The following LRP1B variants were observed in gnomAD, a reference collection of about 807,000 sequenced individuals.
LRP1B encodes the protein low-density lipoprotein receptor-related protein 1B.
Under a neutral mutation model 556.6 loss-of-function variants are expected in LRP1B, and 217 were observed. That is an observed-to-expected ratio of 0.39 (90% confidence interval 0.35 to 0.44). The LOEUF is 0.44. LRP1B is among the 20% of genes least tolerant of loss of function. The pLI is 1.00. For synonymous variants in LRP1B, 2,047 were observed against 1,865.8 expected, an observed-to-expected ratio of 1.10 and a Z score of -2.50; for missense variants, 5,053 against 5,620.8, an observed-to-expected ratio of 0.90 and a Z score of 3.23.
rs576998593 is a variant in LRP1B, at chr2:141,392,750, G to A, written c.343+87646C>T. Among the ~76,000 whole-genome samples the A allele has an allele frequency of 1.1e-4, 16 of 152,266 alleles. 1 individual carries two copies. The South Asian group carries it at 3.3e-3, about 32-fold the overall frequency. On this transcript the variant is annotated intron_variant, in intron 3 of 90. Coordinates refer to ENST00000389484, the MANE Select transcript of LRP1B (RefSeq NM_018557.3). ...CTGATAACAAATTCTCCCTCTCAGA[G>A]GGACTTAGTGAGATCAGACTACAAT... is the stretch of plus-strand genomic sequence containing the variant.
At chr2:140,639,926 G>C (rs903054318) in intron 41 of LRP1B, among the ~76,000 whole-genome samples, 2 of 152,132 alleles carry the variant, frequency 1.3e-5, no homozygotes, top group Non-Finnish European at 2.9e-5. Context: ...TGTACTTGCT[G>C]TTCTTCCTGG....
intron 68 of LRP1B, among the ~76,000 whole-genome samples, chr2:140,374,604 T>C (rs558493671): frequency 3.9e-5 from 6 of 152,178 alleles, no homozygotes; most frequent in Admixed American, 2.0e-4. Flanking sequence ...GTATTCTCCA[T>C]ACTATTAGTG....
intron 32 of LRP1B, among the ~76,000 whole-genome samples, chr2:140,792,888 G>A (rs980997149): frequency 6.6e-6 from 1 of 151,874 alleles, no homozygotes; most frequent in African/African-American, 2.4e-5. Flanking sequence ...TTGTATCCAA[G>A]CTCTGAAAAT....
At chr2:140,381,244 C>G (rs935740407) in intron 67 of LRP1B, among the ~76,000 whole-genome samples, 44 of 151,936 alleles carry the variant, frequency 2.9e-4, no homozygotes, top group African/African-American at 1.0e-3. Context: ...AATAAAAGAC[C>G]AATTTTCAGA....
At chr2:142,003,330 G>T (rs1437676590) in intron 1 of LRP1B, among the ~76,000 whole-genome samples, 1 of 152,154 alleles carries the variant, frequency 6.6e-6, no homozygotes, top group Non-Finnish European at 1.5e-5. Flanking sequence ...TGGGCCAATG[G>T]GTAATTTTGT....
intron 1 of LRP1B, among the ~76,000 whole-genome samples, chr2:141,924,267 G>C (rs6721127): frequency 0.14 from 20,684 of 151,836 alleles, 1,567 homozygotes; most frequent in African/African-American, 0.18. Flanking sequence ...GAGGAGTACA[G>C]CTGGGAGTGG....
intron 3 of LRP1B, among the ~76,000 whole-genome samples, chr2:141,333,944 C>T (rs962519353): frequency 5.9e-5 from 9 of 152,078 alleles, no homozygotes; most frequent in Non-Finnish European, 1.2e-4. Context: ...TTCCTGATCT[C>T]CTTTTTAAAA....
Position 140,789,000 on chromosome 2 carries a change from C to A in LRP1B, c.5360-12762G>T, listed in dbSNP as rs115470967. ...TCAGAAGAAACCAAACCTACTAACA[C>A]CTTGATTTCGGATTTCTAAGCCTCC... is the stretch of plus-strand genomic sequence containing the variant. On this transcript the variant is annotated intron_variant, in intron 32 of 90. Transcript: ENST00000389484. Among the ~76,000 whole-genome samples the A allele has an allele frequency of 6.0e-3, 919 of 152,214 alleles. 13 individuals carry two copies. The highest frequency in any genetic ancestry group is 0.021 in the African/African-American group (867 of 41,542).
At chr2:141,074,557 T>TTTTGTCTC (rs1553456089) in intron 7 of LRP1B, among the ~76,000 whole-genome samples, 67 of 99,246 alleles carry the variant, frequency 6.8e-4, no homozygotes, top group Admixed American at 1.2e-3. Context: ...TTCTTTCTCT[T>TTTTGTCTC]TCTGTCTCTC....
At chr2:140,726,430 CA>C (rs1370822208) in intron 35 of LRP1B, among the ~76,000 whole-genome samples, 3 of 152,140 alleles carry the variant, frequency 2.0e-5, no homozygotes, top group Non-Finnish European at 2.9e-5. Context: ...TGAATCAAGC[CA>C]AAGCACAAGG....
chr2:141,671,823 CTT>C (rs11436397), intron 2 of LRP1B, among the ~76,000 whole-genome samples: 1 of 146,398 alleles, frequency 6.8e-6, no homozygotes, highest in African/African-American at 2.5e-5. Flanking sequence ...ACCCATCAAA[CTT>C]TTTTTTTTTT....
At chr2:140,630,256 G>A (rs1235584066) in intron 41 of LRP1B, among the ~76,000 whole-genome samples, 1 of 152,170 alleles carries the variant, frequency 6.6e-6, no homozygotes, top group Non-Finnish European at 1.5e-5. Context: ...AATGTTGTGA[G>A]CCACAGTAGA....
chr2:141,003,488 AC>A (rs1211838298), intron 15 of LRP1B, among the ~76,000 whole-genome samples: 1 of 152,068 alleles, frequency 6.6e-6, no homozygotes, highest in Non-Finnish European at 1.5e-5. Flanking sequence ...GTGGGAGGTA[AC>A]TGAATTATGG....
intron 1 of LRP1B, among the ~76,000 whole-genome samples, chr2:142,094,317 T>G (rs1019522901): frequency 6.6e-6 from 1 of 152,100 alleles, no homozygotes; most frequent in East Asian, 1.9e-4. Context: ...TGATTATGAC[T>G]TAATGTGTGA....
chr2:141,655,661 A>G (rs1689978806), intron 2 of LRP1B, among the ~76,000 whole-genome samples: 1 of 152,138 alleles, frequency 6.6e-6, no homozygotes, highest in Admixed American at 6.6e-5. Context: ...AATATAGCAA[A>G]ATAAACCTAT....
intron 1 of LRP1B, among the ~76,000 whole-genome samples, chr2:141,860,457 G>T (rs1698201897): frequency 6.6e-6 from 1 of 151,934 alleles, no homozygotes; most frequent in Non-Finnish European, 1.5e-5. Context: ...TTTCAAACTG[G>T]CAAGGAAAAG....
At chr2:141,511,795 C>T (rs1356585747) in intron 2 of LRP1B, among the ~76,000 whole-genome samples, 1 of 152,132 alleles carries the variant, frequency 6.6e-6, no homozygotes, top group Non-Finnish European at 1.5e-5. Context: ...ATGGCTTTAA[C>T]TCTATTTGTG....
At chr2:140,377,962 G>A (rs1282799093) in intron 68 of LRP1B, among the ~76,000 whole-genome samples, 4 of 152,160 alleles carry the variant, frequency 2.6e-5, no homozygotes, top group Non-Finnish European at 4.4e-5. Context: ...CACCAGTTGA[G>A]GTAAAACAGA....
chr2:141,991,192 T>C (rs1004587163), intron 1 of LRP1B, among the ~76,000 whole-genome samples: 4 of 152,070 alleles, frequency 2.6e-5, no homozygotes, highest in Non-Finnish European at 5.9e-5. Context: ...TTGGTCATTA[T>C]GTAAATGTAT....
Sources: gnomAD v4.1 joint callset for allele counts (sites outside exome capture counted in the v4.1 genomes callset) on GRCh38, gnomAD v4.1.1 for gene constraint, MANE v1.5 for transcripts, NCBI Gene and HGNC (gene_info 2026-07-23, HGNC 2026-07-21) for gene names.